Variants in ST8SIA6 observed in about 807,000 individuals in gnomAD.
The protein encoded by ST8SIA6 is ST8 alpha-N-acetyl-neuraminide alpha-2,8-sialyltransferase 6.
ST8SIA6 carries 39 observed loss-of-function variants against 33.6 expected under a neutral mutation model. The observed-to-expected ratio is 1.16, with a 90% confidence interval of 0.90 to 1.52. ST8SIA6 has a LOEUF of 1.52. Among genes scored for constraint, ST8SIA6 ranks in the 40% most tolerant of loss-of-function variants. The probability of loss-of-function intolerance (pLI) is 0.00; values close to 1 mark genes in which losing one functional copy is unlikely to be tolerated. For synonymous variants in ST8SIA6, 172 were observed against 167.2 expected (o/e 1.03, Z -0.22); for missense variants, 441 against 443.8 (o/e 0.99, Z 0.06).
chr10:17,395,048 G>A (rs1314548693), intron 2 of ST8SIA6, among the ~76,000 whole-genome samples: 2 of 152,094 alleles, frequency 1.3e-5, no homozygotes, highest in Admixed American at 1.3e-4. Flanking sequence ...GTTGTGGGAA[G>A]GACCCTGTCG....
intron 3 of ST8SIA6, among the ~76,000 whole-genome samples, chr10:17,367,719 C>T (rs1849599443): frequency 6.6e-6 from 1 of 152,144 alleles, no homozygotes; most frequent in African/African-American, 2.4e-5. Flanking sequence ...ATGAAAGTGA[C>T]AATTTAGTGA....
chr10:17,348,615 G>T (rs1473646461), intron 4 of ST8SIA6, among the ~76,000 whole-genome samples: 1 of 152,058 alleles, frequency 6.6e-6, no homozygotes, highest in African/African-American at 2.4e-5. Context: ...TACCTAAAGG[G>T]GCCCTAACTG....
At chr10:17,421,241 C>A (rs956098997) in intron 2 of ST8SIA6, among the ~76,000 whole-genome samples, 4 of 152,232 alleles carry the variant, frequency 2.6e-5, no homozygotes, top group Non-Finnish European at 5.9e-5. Flanking sequence ...CCCTGTGGAA[C>A]TGGCTGAGTC....
Position 17,323,229 on chromosome 10 carries a change from G to GCGCACGTGCACA in ST8SIA6, c.636-73_636-72insTGTGCACGTGCG, listed in dbSNP as rs112083592. 51 of 794,534 alleles carry GCGCACGTGCACA rather than the reference G, an allele frequency of 6.4e-5. No homozygotes were observed. In the East Asian group the frequency reaches 8.8e-4, roughly 14 times the overall value. 49.2% of individuals were successfully genotyped at this position (794,534 alleles called of 1,614,324 possible). ...AAAGATTGTATACACACATATGCGC[G>GCGCACGTGCACA]CACACACACACACACACACACCTAT... On this transcript the variant is annotated intron_variant, in intron 6 of 7. Transcript: ENST00000377602.
At chr10:17,353,074 T>G (rs1212032579) in intron 4 of ST8SIA6, among the ~76,000 whole-genome samples, 2 of 152,166 alleles carry the variant, frequency 1.3e-5, no homozygotes, top group Non-Finnish European at 2.9e-5. Flanking sequence ...TCTTGTATTA[T>G]TGAAAGAAGC....
intron 3 of ST8SIA6, among the ~76,000 whole-genome samples, chr10:17,388,159 G>A (rs1306868552): frequency 1.3e-5 from 2 of 152,204 alleles, no homozygotes; most frequent in Non-Finnish European, 2.9e-5. Context: ...TCCTCACACA[G>A]CAGGAAACTT....
At chr10:17,362,046 A>G (rs1220839665) in intron 3 of ST8SIA6, among the ~76,000 whole-genome samples, 2 of 152,200 alleles carry the variant, frequency 1.3e-5, no homozygotes, top group South Asian at 2.1e-4. Context: ...CTAGGATCAT[A>G]CTTAATGGTG....
At chr10:17,362,085 T>C (rs190371885) in intron 3 of ST8SIA6, among the ~76,000 whole-genome samples, 22 of 152,226 alleles carry the variant, frequency 1.4e-4, no homozygotes, top group African/African-American at 5.1e-4. Flanking sequence ...GCTTTCCCCC[T>C]AAAATCAGGA....
In ST8SIA6 at chr10:17,335,651, C is replaced by G. The variant is rs181203337; in HGVS notation, c.378-4099G>C. ...AAAAAAGATGGTTCATGGAGATTAA[C>G]AAAAGAGAAAAAATGAAAATGAAAT... On this transcript the variant is annotated intron_variant, in intron 4 of 7. Coordinates refer to ENST00000377602, the MANE Select transcript of ST8SIA6 (RefSeq NM_001004470.3). 1.8e-3 allele frequency among the ~76,000 whole-genome samples: 275 copies of G among 151,972 alleles called. 1 individual carries two copies. The highest frequency in any genetic ancestry group is 6.4e-3 in the African/African-American group (264 of 41,464).
chr10:17,417,987 T>C (rs770265531), intron 2 of ST8SIA6, among the ~76,000 whole-genome samples: 22 of 152,224 alleles, frequency 1.4e-4, no homozygotes, highest in Non-Finnish European at 1.0e-4. Context: ...GAGAAAGTTC[T>C]TTCAGCATTT....
chr10:17,360,399 C>G (rs57556550), intron 3 of ST8SIA6, among the ~76,000 whole-genome samples: 1 of 147,910 alleles, frequency 6.8e-6, no homozygotes, highest in Admixed American at 6.8e-5. Context: ...TGAAACCAGA[C>G]TAATATCTAG....
At chr10:17,342,659 G>A (rs1222736096) in intron 4 of ST8SIA6, among the ~76,000 whole-genome samples, 1 of 152,230 alleles carries the variant, frequency 6.6e-6, no homozygotes, top group East Asian at 1.9e-4. Context: ...TTTAGTAGGT[G>A]GAAAGAACAG....
At chr10:17,444,379 A>G (rs1184880480) in intron 2 of ST8SIA6, among the ~76,000 whole-genome samples, 2 of 152,204 alleles carry the variant, frequency 1.3e-5, no homozygotes, top group East Asian at 1.9e-4. Flanking sequence ...AGTGCTGTCA[A>G]GTAAGTAGTA....
intron 2 of ST8SIA6, among the ~76,000 whole-genome samples, chr10:17,404,312 C>T (rs1022545024): frequency 6.6e-6 from 1 of 152,112 alleles, no homozygotes; most frequent in Admixed American, 6.6e-5. Flanking sequence ...GTTTTGAACT[C>T]AGACGTTACG....
intron 2 of ST8SIA6, among the ~76,000 whole-genome samples, chr10:17,418,909 C>T (rs1194678641): frequency 1.4e-5 from 2 of 141,124 alleles, no homozygotes; most frequent in Admixed American, 1.6e-4. Flanking sequence ...AGGAGAATCG[C>T]TTGAACCTGG....
At position 17,316,100 on chromosome 10, in the gene ST8SIA6, A is replaced by G; in HGVS notation, c.*4778T>C. Among the ~76,000 whole-genome samples the G allele has an allele frequency of 6.6e-6, 1 of 152,084 alleles. No individual in the cohort carries two copies. The highest frequency in any genetic ancestry group is 3.4e-3 in the Middle Eastern group (1 of 294). On this transcript the variant is annotated 3_prime_UTR_variant, in exon 8 of 8. Transcript: ENST00000377602. ...TGTGAGTATAAGAATATATATGTCA[A>G]AGGCTTGCTGTATTAAATATAATAA...
intron 2 of ST8SIA6, among the ~76,000 whole-genome samples, chr10:17,430,312 C>G (rs1047390927): frequency 6.6e-6 from 1 of 152,118 alleles, no homozygotes; most frequent in Non-Finnish European, 1.5e-5. Context: ...TGGGCACTTA[C>G]GTCAGTTCCA....
At chr10:17,415,556 C>T (rs1351688877) in intron 2 of ST8SIA6, among the ~76,000 whole-genome samples, 1 of 152,120 alleles carries the variant, frequency 6.6e-6, no homozygotes, top group Non-Finnish European at 1.5e-5. Context: ...CCTTCCCCCT[C>T]CCTGTGAAGA....
At position 17,319,323 on chromosome 10, in the gene ST8SIA6, C is replaced by T. The variant is rs1847869562; in HGVS notation, c.*1555G>A. 6.6e-6 allele frequency among the ~76,000 whole-genome samples: 1 copy of T among 152,018 alleles called. No individual in the cohort carries two copies. The highest frequency in any genetic ancestry group is 1.5e-5 in the Non-Finnish European group (1 of 68,004). On this transcript the variant is annotated 3_prime_UTR_variant, in exon 8 of 8. Transcript: ENST00000377602. ...TTGCAGATTTGTAGATTAATTACCA[C>T]CAATTCTGACTATAACACACTTTAT...
Sources: allele counts gnomAD v4.1 joint callset (sites outside exome capture counted in the v4.1 genomes callset), GRCh38; gene constraint gnomAD v4.1.1; transcripts MANE v1.5; gene names NCBI Gene and HGNC (gene_info 2026-07-23, HGNC 2026-07-21).